LEMD3: variants seen among roughly 807,000 people sequenced by gnomAD.
The protein encoded by LEMD3 is inner nuclear membrane protein Man1.
Under a neutral mutation model 95.2 loss-of-function variants are expected in LEMD3, and 33 were observed. The observed-to-expected ratio is 0.35, with a 90% CI of 0.26 to 0.46. The LOEUF (loss-of-function observed/expected upper bound fraction) is 0.46, where lower values mean the gene tolerates loss of function less well. Among genes scored for constraint, LEMD3 ranks in the 20% least tolerant of loss-of-function variants. LEMD3 has a pLI of 1.00. For synonymous variants in LEMD3, 525 were observed against 474.6 expected (o/e 1.11, Z -1.38); for missense variants, 1,210 against 1,192.8 (o/e 1.01, Z -0.21).
intron 1 of LEMD3, among the ~76,000 whole-genome samples, chr12:65,205,995 A>G (rs1474014588): frequency 6.6e-6 from 1 of 152,176 alleles, no homozygotes. Context: ...CAGAAAACAA[A>G]TGGGCATAAT....
intron 4 of LEMD3, among the ~76,000 whole-genome samples, chr12:65,226,975 G>A (rs536127613): frequency 6.6e-6 from 1 of 152,250 alleles, no homozygotes; most frequent in African/African-American, 2.4e-5. Flanking sequence ...TGACCTAGAT[G>A]AGAACATTAA....
At chr12:65,206,976 A>G (rs1390426742) in intron 1 of LEMD3, among the ~76,000 whole-genome samples, 3 of 152,018 alleles carry the variant, frequency 2.0e-5, no homozygotes, top group African/African-American at 4.8e-5. Flanking sequence ...ATAGGTTTGA[A>G]TCTCATATTT....
intron 3 of LEMD3, among the ~76,000 whole-genome samples, chr12:65,217,072 A>G (rs1366326520): frequency 6.6e-6 from 1 of 152,218 alleles, no homozygotes; most frequent in Non-Finnish European, 1.5e-5. Context: ...TGTTTTATCA[A>G]GTATGGTTCA....
chr12:65,170,446 C>T lies in LEMD3; in HGVS notation c.850C>T (p.His284Tyr). ...ATTAAAGGACGACTCCCTTTCCCGGCATCGGCCCAGACGAACCCATAGTAA... is the reference window on the plus strand; with the variant it reads ...ATTAAAGGACGACTCCCTTTCCCGGTATCGGCCCAGACGAACCCATAGTAA... ...QVLKDDSLSR[H>Y]RPRRTHSKPL... The change falls in exon 1 of 13, where the codon CAT (histidine) becomes TAT (tyrosine). Residue 284 changes from histidine (H) to tyrosine (Y), a missense_variant. Physicochemically the swap from His to Tyr is moderately conservative, Grantham distance 83. Transcript: ENST00000308330. The T allele has an allele frequency of 6.2e-7, 1 of 1,614,098 alleles. No homozygotes were observed. The highest frequency in any genetic ancestry group is 2.2e-5 in the East Asian group (1 of 44,848).
Position 65,215,962 on chromosome 12 carries a change from T to G in LEMD3, c.1561-15T>G, listed in dbSNP as rs1432244428. On this transcript the variant is annotated splice_polypyrimidine_tract_variant and intron_variant, in intron 2 of 12. Transcript: ENST00000308330. ...TTGTAATTGGGTATTTCATAATAAC[T>G]TCTCTTAATTTTAGGAAAGTGAAAA... is the stretch of plus-strand genomic sequence containing the variant. 1 of 1,271,324 alleles carries G rather than the reference T, an allele frequency of 7.9e-7. No individual in the cohort carries two copies. The highest frequency in any genetic ancestry group is 1.4e-5 in the South Asian group (1 of 73,850). The allele number at this position is 1,271,324 out of a possible 1,614,324, so 78.8% of individuals were successfully genotyped here.
intron 1 of LEMD3, among the ~76,000 whole-genome samples, chr12:65,204,387 G>C (rs1015341443): frequency 1.3e-5 from 2 of 152,054 alleles, no homozygotes; most frequent in African/African-American, 4.8e-5. Flanking sequence ...GTGCCTGTGT[G>C]TTCTCATCAT....
At chr12:65,237,974 A>T (rs184955390) in intron 4 of LEMD3, among the ~76,000 whole-genome samples, 2 of 152,322 alleles carry the variant, frequency 1.3e-5, no homozygotes, top group East Asian at 3.9e-4. Flanking sequence ...TAATGATAAA[A>T]AAAGAACTTC....
chr12:65,233,476 A>G (rs1364752290), intron 4 of LEMD3, among the ~76,000 whole-genome samples: 1 of 152,212 alleles, frequency 6.6e-6, no homozygotes, highest in African/African-American at 2.4e-5. Flanking sequence ...TTATTCTAGC[A>G]GGTGAAAGAT....
chr12:65,202,974 A>G (rs1234852970), intron 1 of LEMD3, among the ~76,000 whole-genome samples: 2 of 152,102 alleles, frequency 1.3e-5, no homozygotes, highest in African/African-American at 4.8e-5. Context: ...AATTTCATTA[A>G]TATTTTCAAG....
In LEMD3 at chr12:65,170,699, T is replaced by C. The variant is rs202245561; in HGVS notation, c.1103T>C (p.Leu368Pro). 82 of 1,614,182 alleles carry C rather than the reference T, an allele frequency of 5.1e-5. No homozygotes were observed. The East Asian group carries it at 1.8e-3, about 36-fold the overall frequency. Residue 368 changes from leucine to proline, a missense_variant, in exon 1 of 13, where the codon CTG (leucine) becomes CCG (proline). This residue lies in a region of LEMD3 where 749 missense variants were observed against 622.9 expected (regional missense o/e 1.20). Transcript: ENST00000308330. Reference protein sequence around the residue: ...RVNAKKLTPLLPPPLTDMDST... With the variant: ...RVNAKKLTPLPPPPLTDMDST... ...AACGCTAAGAAACTGACCCCTCTCC[T>C]GCCCCCGCCACTTACTGACATGGAC...
At chr12:65,180,901 C>A (rs1868881235) in intron 1 of LEMD3, among the ~76,000 whole-genome samples, 1 of 152,006 alleles carries the variant, frequency 6.6e-6, no homozygotes, top group South Asian at 2.1e-4. Flanking sequence ...ATAGAAAAAA[C>A]CCTTTAGTAG....
intron 4 of LEMD3, among the ~76,000 whole-genome samples, chr12:65,227,913 T>C (rs1048377478): frequency 3.9e-5 from 6 of 152,160 alleles, no homozygotes; most frequent in Admixed American, 3.9e-4. Flanking sequence ...TCTGTTTTTT[T>C]CCCAGATATT....
intron 1 of LEMD3, among the ~76,000 whole-genome samples, chr12:65,207,884 G>C (rs1869813019): frequency 6.6e-6 from 1 of 152,092 alleles, no homozygotes; most frequent in African/African-American, 2.4e-5. Flanking sequence ...CTGTGTAAGA[G>C]AATGGAAAAC....
At chr12:65,223,826 T>C (rs1220472672) in intron 4 of LEMD3, among the ~76,000 whole-genome samples, 1 of 135,554 alleles carries the variant, frequency 7.4e-6, no homozygotes, top group Non-Finnish European at 1.6e-5. Flanking sequence ...CTTACTCTTT[T>C]TTGTGTCTTT....
intron 8 of LEMD3, 120 bp from the exon 9 acceptor site, chr12:65,240,789 G>C: frequency 1.1e-6 from 1 of 885,002 alleles, no homozygotes; most frequent in Non-Finnish European, 1.8e-6. Flanking sequence ...AATCTTCTTT[G>C]AACAAACTCC....
rs773133991 is a variant in LEMD3, at chr12:65,240,974, G to A, written c.2192G>A (p.Arg731His). The change falls in exon 9 of 13, where the codon CGC (arginine) becomes CAC (histidine). Residue 731 changes from arginine (R) to histidine (H), a missense_variant. Physicochemically the swap from Arg to His is conservative, Grantham distance 29 (BLOSUM62 0). Around this residue, in one of 2 missense-constraint regions of LEMD3, gnomAD observed 461 missense variants for 569.8 expected, o/e 0.81. Coordinates refer to ENST00000308330, the MANE Select transcript of LEMD3 (RefSeq NM_014319.5). ...DFLAANESRV[R>H]TETRRIGGAD... ...CTTGCTGCTAATGAGTCTAGAGTTCGCACGGAAACACGAAGAATAGGTGGT... is the reference window on the plus strand; with the variant it reads ...CTTGCTGCTAATGAGTCTAGAGTTCACACGGAAACACGAAGAATAGGTGGT... 5 of 1,613,910 alleles carry A rather than the reference G, an allele frequency of 3.1e-6. No individual in the cohort carries two copies. Among genetic ancestry groups the A allele is most frequent in the African/African-American group, 2.7e-5 (2 of 74,916 alleles).
In LEMD3 at chr12:65,169,618, G is replaced by C; in HGVS notation, c.22G>C (p.Ala8Pro). The C allele has an allele frequency of 6.3e-7, 1 of 1,588,718 alleles. No homozygotes were observed. The highest frequency in any genetic ancestry group is 8.5e-7 in the Non-Finnish European group (1 of 1,169,824). The change falls in exon 1 of 13, where the codon GCG becomes CCG. Residue 8 changes from alanine to proline, a missense_variant. Coordinates refer to ENST00000308330, the MANE Select transcript of LEMD3 (RefSeq NM_014319.5). Reference protein sequence around the residue: MAAAAASAPQQLSDEELF... With the variant: MAAAAASPPQQLSDEELF... ...GAAAATGGCGGCGGCAGCAGCTTCG[G>C]CGCCTCAGCAGCTCTCGGATGAGGA...
At chr12:65,212,688 C>A (rs1465968313) in intron 2 of LEMD3, among the ~76,000 whole-genome samples, 1 of 152,134 alleles carries the variant, frequency 6.6e-6, no homozygotes, top group Non-Finnish European at 1.5e-5. Context: ...CTGGGCCTTA[C>A]TAAAACACAA....
chr12:65,217,124 AC>A (rs1277004864), intron 3 of LEMD3, among the ~76,000 whole-genome samples: 1 of 152,184 alleles, frequency 6.6e-6, no homozygotes, highest in African/African-American at 2.4e-5. Flanking sequence ...TTTTAAAGAT[AC>A]AGATTCCTTC....
Sources: gnomAD v4.1 joint callset for allele counts (sites outside exome capture counted in the v4.1 genomes callset) on GRCh38, gnomAD v4.1.1 for gene constraint, gnomAD v4.1.1 regional missense constraint, MANE v1.5 for transcripts, NCBI Gene and HGNC (gene_info 2026-07-23, HGNC 2026-07-21) for gene names.